The following VAV3 variants were observed in gnomAD, a reference collection of about 807,000 sequenced individuals.
VAV3 encodes guanine nucleotide exchange factor VAV3.
In VAV3, 94 loss-of-function variants were observed where a neutral mutation model predicts 131.2. The observed-to-expected ratio is 0.72, with a 90% CI of 0.61 to 0.85. The LOEUF (loss-of-function observed/expected upper bound fraction) is 0.85, where lower values mean the gene tolerates loss of function less well. Ranked by LOEUF, VAV3 falls within the 40% of genes least tolerant of loss-of-function variation. VAV3 has a pLI of 0.00. For missense variants in VAV3, 939 were observed against 1,002.7 expected, an observed-to-expected ratio of 0.94 and a Z score of 0.86; for synonymous variants, 349 against 342.0, an observed-to-expected ratio of 1.02 and a Z score of -0.22.
At chr1:107,739,739 CCAAA>C (rs1315071151) in intron 15 of VAV3, among the ~76,000 whole-genome samples, 1 of 152,152 alleles carries the variant, frequency 6.6e-6, no homozygotes, top group African/African-American at 2.4e-5. Context: ...CCTCCAGTTT[CCAAA>C]CAGACACTGA....
At chr1:107,594,040 A>T (rs2101061482) in intron 25 of VAV3, among the ~76,000 whole-genome samples, 1 of 152,230 alleles carries the variant, frequency 6.6e-6, no homozygotes, top group East Asian at 1.9e-4. Flanking sequence ...TAAAGTAAAT[A>T]AAACACTGGA....
chr1:107,841,516 T>C (rs143204424), intron 2 of VAV3, among the ~76,000 whole-genome samples: 86 of 152,292 alleles, frequency 5.6e-4, no homozygotes, highest in African/African-American at 1.9e-3. Flanking sequence ...CTTTCTCCAC[T>C]CCATCACTGC....
At chr1:107,720,516 T>C (rs1661432664) in intron 15 of VAV3, among the ~76,000 whole-genome samples, 3 of 145,332 alleles carry the variant, frequency 2.1e-5, no homozygotes, top group Admixed American at 2.1e-4. Context: ...CCGTGTCTAC[T>C]AAAAATACAA....
chr1:107,749,105 A>C, intron 14 of VAV3, 28 bp from the exon 15 acceptor site: 1 of 1,427,068 alleles, frequency 7.0e-7, no homozygotes, highest in Non-Finnish European at 9.7e-7. Context: ...CCTTAGATTA[A>C]TATGTATCAT....
intron 13 of VAV3, among the ~76,000 whole-genome samples, 155 bp from the exon 14 acceptor site, chr1:107,749,749 G>C (rs897156962): frequency 1.3e-5 from 2 of 152,234 alleles, no homozygotes; most frequent in African/African-American, 4.8e-5. Context: ...GAGGTTATAA[G>C]AACTGTGTGT....
At chr1:107,644,781 A>G (rs1655602166) in intron 19 of VAV3, among the ~76,000 whole-genome samples, 3 of 152,090 alleles carry the variant, frequency 2.0e-5, no homozygotes, top group South Asian at 4.1e-4. Context: ...CCCAGGCTCC[A>G]TAAGAGGCTG....
chr1:107,952,485 T>TATATATATATATATATATAC (rs1317970944), intron 1 of VAV3, among the ~76,000 whole-genome samples: 9 of 94,450 alleles, frequency 9.5e-5, no homozygotes, highest in African/African-American at 2.5e-4. Flanking sequence ...TATATATATA[T>TATATATATATATATATATAC]ACACACATAA....
At chr1:107,591,435 A>AATG (rs1558071541) in intron 25 of VAV3, among the ~76,000 whole-genome samples, 11 of 150,466 alleles carry the variant, frequency 7.3e-5, no homozygotes, top group African/African-American at 1.8e-4. Flanking sequence ...ATGAATGAAT[A>AATG]AATGAATGAA....
chr1:107,889,129 T>TAG (rs1184385126), intron 1 of VAV3, among the ~76,000 whole-genome samples: 694 of 55,102 alleles, frequency 0.013, 6 homozygotes, highest in African/African-American at 0.057. Context: ...TTCTCCTGTG[T>TAG]AGAGTGTGTG....
chr1:107,739,302 G>A (rs375123498), intron 15 of VAV3, among the ~76,000 whole-genome samples: 164 of 152,222 alleles, frequency 1.1e-3, no homozygotes, highest in African/African-American at 3.8e-3. Flanking sequence ...GCATGTTTCC[G>A]GATCAAACAG....
intron 15 of VAV3, among the ~76,000 whole-genome samples, chr1:107,715,300 T>C (rs1403535372): frequency 3.9e-5 from 6 of 152,172 alleles, no homozygotes. Context: ...TACTAAATGA[T>C]AAAAAGTATT....
chr1:107,806,864 A>G (rs927753523), intron 2 of VAV3, among the ~76,000 whole-genome samples: 1 of 152,216 alleles, frequency 6.6e-6, no homozygotes, highest in African/African-American at 2.4e-5. Flanking sequence ...CTGATATAAA[A>G]TGACATAATA....
intron 20 of VAV3, among the ~76,000 whole-genome samples, chr1:107,640,996 A>T (rs1199190862): frequency 1.3e-5 from 2 of 152,212 alleles, no homozygotes; most frequent in African/African-American, 4.8e-5. Flanking sequence ...CTTGAATGTG[A>T]GGAACCTTAT....
At position 107,771,548 on chromosome 1, in the gene VAV3, C is replaced by T. The variant is rs142635458; in HGVS notation, c.556-820G>A. Reference sequence around the variant, plus strand: ...GATTACAAGCGCGAGCTACCGCGCCCGGCCTGTTGTTAGCTTTTCTAACTG... The same window carrying T: ...GATTACAAGCGCGAGCTACCGCGCCTGGCCTGTTGTTAGCTTTTCTAACTG... On this transcript the variant is annotated intron_variant, in intron 5 of 26. Coordinates refer to ENST00000370056, the MANE Select transcript of VAV3 (RefSeq NM_006113.5). 7.1e-3 allele frequency among the ~76,000 whole-genome samples: 1,075 copies of T among 152,286 alleles called. 7 individuals carry two copies. The highest frequency in any genetic ancestry group is 0.01 in the Admixed American group (155 of 15,304).
At chr1:107,719,844 T>C (rs1345344993) in intron 15 of VAV3, among the ~76,000 whole-genome samples, 4 of 152,040 alleles carry the variant, frequency 2.6e-5, no homozygotes, top group African/African-American at 4.8e-5. Context: ...ATTAAGAAAA[T>C]GTGGCACATA....
chr1:107,884,051 G>T (rs11185193), intron 1 of VAV3, among the ~76,000 whole-genome samples: 2 of 151,670 alleles, frequency 1.3e-5, no homozygotes, highest in Non-Finnish European at 2.9e-5. Context: ...GGTGCATGTC[G>T]CTGCCTTTGG....
Position 107,623,026 on chromosome 1 carries a change from A to G in VAV3, c.1915-5394T>C, listed in dbSNP as rs1162403917. ...GAAGTGATCAGGAAAAGACCGAGTC[A>G]GAAACTAGCCTTTGGTAAGGAGAGA... On this transcript the variant is annotated intron_variant, in intron 20 of 26. Transcript: ENST00000370056. 2.0e-5 allele frequency among the ~76,000 whole-genome samples: 3 copies of G among 152,238 alleles called. No individual in the cohort carries two copies. The East Asian group carries it at 5.8e-4, about 29-fold the overall frequency.
chr1:107,964,556 A>G (rs12567028), intron 1 of VAV3, 110 bp downstream of exon 1: 72,995 of 1,237,092 alleles, frequency 0.059, 3,680 homozygotes, highest in African/African-American at 0.24. Context: ...AAGGCTGGGA[A>G]GCAGGGCAAG....
intron 19 of VAV3, among the ~76,000 whole-genome samples, chr1:107,678,385 T>A (rs1459188755): frequency 6.6e-6 from 1 of 152,232 alleles, no homozygotes; most frequent in African/African-American, 2.4e-5. Context: ...AATATTCTAA[T>A]CTATAGAAAC....
Sources: gnomAD v4.1 joint callset for allele counts (sites outside exome capture counted in the v4.1 genomes callset) on GRCh38, gnomAD v4.1.1 for gene constraint, MANE v1.5 for transcripts, NCBI Gene and HGNC (gene_info 2026-07-23, HGNC 2026-07-21) for gene names.